Variants in CLNS1A observed in about 807,000 individuals in gnomAD.
CLNS1A encodes chloride nucleotide-sensitive channel 1A, also known as methylosome subunit pICln.
In CLNS1A, 16 loss-of-function variants were observed where a neutral mutation model predicts 29.4. The observed-to-expected ratio is 0.54, with a 90% confidence interval of 0.37 to 0.83. The LOEUF is 0.83. Among genes scored for constraint, CLNS1A ranks in the 40% least tolerant of loss-of-function variants. The pLI, the probability that CLNS1A is intolerant of heterozygous loss-of-function variation, is 0.00. For synonymous variants in CLNS1A, 96 were observed against 104.8 expected, an observed-to-expected ratio of 0.92 and a Z score of 0.51; for missense variants, 235 against 287.4, an observed-to-expected ratio of 0.82 and a Z score of 1.32.
At chr11:77,620,645 A>C (rs909209969) in intron 5 of CLNS1A, among the ~76,000 whole-genome samples, 2 of 151,998 alleles carry the variant, frequency 1.3e-5, no homozygotes, top group African/African-American at 4.8e-5. Context: ...AATCTCTAAC[A>C]AAAATACAAA....
chr11:77,624,813 T>G, intron 4 of CLNS1A, 150 bp downstream of exon 4: 1 of 526,258 alleles, frequency 1.9e-6, no homozygotes, highest in South Asian at 2.9e-5. Flanking sequence ...AAGCGAAAAC[T>G]CCATCTCAAA....
In CLNS1A at chr11:77,629,914, T is replaced by C; in HGVS notation, c.126-15A>G. The C allele has an allele frequency of 6.2e-7, 1 of 1,613,038 alleles. No individual in the cohort carries two copies. The highest frequency in any genetic ancestry group is 8.5e-7 in the Non-Finnish European group (1 of 1,179,288). ...AAGACAGGCGGCTGAAAAACATGTTTTAAGTAGATTATTTTTAGAAAGTAA... is the reference window on the plus strand; with the variant it reads ...AAGACAGGCGGCTGAAAAACATGTTCTAAGTAGATTATTTTTAGAAAGTAA... On this transcript the variant is annotated splice_polypyrimidine_tract_variant and intron_variant, in intron 1 of 6. Transcript: ENST00000525428.
chr11:77,619,073 G>A (rs1363683753), intron 6 of CLNS1A, among the ~76,000 whole-genome samples: 1 of 152,116 alleles, frequency 6.6e-6, no homozygotes, highest in Admixed American at 6.6e-5. Flanking sequence ...TACAATTACT[G>A]GTTCTAGCTC....
intron 6 of CLNS1A, among the ~76,000 whole-genome samples, chr11:77,618,070 A>C (rs1958922448): frequency 6.6e-6 from 1 of 152,226 alleles, no homozygotes; most frequent in Admixed American, 6.5e-5. Context: ...ATTCTTGCCA[A>C]GGACTGCAGT....
chr11:77,636,368 C>T lies in CLNS1A; in HGVS notation c.125+1222G>A, dbSNP rs73504744. On this transcript the variant is annotated intron_variant, in intron 1 of 6. Transcript: ENST00000525428. ...CAGGTGTGAGCCACCGCGCCCGGCCCAACACGGTCATATGTACAACTACTC... is the reference window on the plus strand; with the variant it reads ...CAGGTGTGAGCCACCGCGCCCGGCCTAACACGGTCATATGTACAACTACTC... Among the ~76,000 whole-genome samples the T allele has an allele frequency of 3.5e-3, 536 of 152,118 alleles. 4 individuals are homozygous for T. Among genetic ancestry groups the T allele is most frequent in the African/African-American group, 0.012 (493 of 41,536 alleles).
chr11:77,622,395 G>C, intron 5 of CLNS1A, 105 bp downstream of exon 5: 2 of 765,916 alleles, frequency 2.6e-6, no homozygotes, highest in Non-Finnish European at 4.2e-6. Flanking sequence ...CTATACTATA[G>C]AGAGTCAATT....
intron 1 of CLNS1A, among the ~76,000 whole-genome samples, chr11:77,633,082 C>T (rs1275363872): frequency 1.8e-5 from 2 of 108,716 alleles, no homozygotes; most frequent in Non-Finnish European, 3.5e-5. Flanking sequence ...GAGACTCCAT[C>T]TCAAAAAAAA....
chr11:77,622,429 C>G, intron 5 of CLNS1A, 71 bp downstream of exon 5: 3 of 1,150,280 alleles, frequency 2.6e-6, no homozygotes, highest in Non-Finnish European at 3.7e-6. Context: ...ATTAAAAGAA[C>G]TTCTATTGAC....
At chr11:77,630,564 T>C (rs1481844545) in intron 1 of CLNS1A, among the ~76,000 whole-genome samples, 5 of 152,198 alleles carry the variant, frequency 3.3e-5, no homozygotes, top group Non-Finnish European at 5.9e-5. Context: ...CCCTGAAGCC[T>C]TTCATTTATT....
Position 77,625,028 on chromosome 11 carries a change from T to G in CLNS1A, c.407A>C (p.His136Pro). The G allele has an allele frequency of 6.2e-7, 1 of 1,614,064 alleles. No individual in the cohort carries two copies. Reference sequence around the variant, plus strand: ...TGAATCCTCATCCTCAGGATCTGGATGCAAGGCCTGGCATTCGCACATTGC... The same window carrying G: ...TGAATCCTCATCCTCAGGATCTGGAGGCAAGGCCTGGCATTCGCACATTGC... The part of the protein sequence containing the change: ...FTAMCECQAL[H>P]PDPEDEDSDD... The change falls in exon 4 of 7, where the codon CAT becomes CCT. Residue 136 changes from histidine to proline, a missense_variant. Coordinates refer to ENST00000525428, the MANE Select transcript of CLNS1A (RefSeq NM_001293.3).
rs1459550838 is a variant in CLNS1A, at chr11:77,637,613, A to T, written c.102T>A (p.Thr34=). The change falls in exon 1 of 7, where the codon ACT becomes ACA. Residue 34 remains threonine, a synonymous_variant. Coordinates refer to ENST00000525428, the MANE Select transcript of CLNS1A (RefSeq NM_001293.3). The part of the protein sequence containing the change: ...EAVLNGKGLG[T]GTLYIAESRL... Reference sequence around the variant, plus strand: ...ACCTCTCAGCGATGTAAAGGGTACCAGTGCCGAGGCCCTTCCCGTTCAGCA... The same window carrying T: ...ACCTCTCAGCGATGTAAAGGGTACCTGTGCCGAGGCCCTTCCCGTTCAGCA... 6.3e-7 allele frequency: 1 copy of T among 1,599,990 alleles called. No homozygotes were observed. The highest frequency in any genetic ancestry group is 1.7e-5 in the Admixed American group (1 of 58,452).
Position 77,629,797 on chromosome 11 carries a change from C to A in CLNS1A, c.228G>T (p.Glu76Asp), listed in dbSNP as rs533606849. ...LSRDRSDCLG[E>D]HLYVMVNAKF... ...TGGCATTCACCATAACATACAAATG[C>A]TCTCCTAGACAGTCACTTCGGTCCC... is the stretch of plus-strand genomic sequence containing the variant. Residue 76 changes from glutamate (E) to aspartate (D), a missense_variant, in exon 2 of 7, where the codon GAG (glutamate) becomes GAT (aspartate). Transcript: ENST00000525428. 1.2e-5 allele frequency: 20 copies of A among 1,613,188 alleles called. No homozygotes were observed. Among genetic ancestry groups the A allele is most frequent in the Admixed American group, 3.3e-5 (2 of 60,016 alleles).
intron 2 of CLNS1A, 44 bp from the exon 3 acceptor site, chr11:77,625,862 A>G: frequency 2.8e-6 from 4 of 1,407,774 alleles, no homozygotes; most frequent in Non-Finnish European, 1.9e-6. Context: ...TTGACTTTAA[A>G]AAAATGAAGC....
At chr11:77,619,489 A>C in intron 6 of CLNS1A, 117 bp downstream of exon 6, 1 of 708,368 alleles carries the variant, frequency 1.4e-6, no homozygotes, top group East Asian at 2.7e-5. Context: ...ATGCCACTGC[A>C]CTCTAGCCTG....
intron 1 of CLNS1A, among the ~76,000 whole-genome samples, chr11:77,632,621 C>G (rs1959085537): frequency 6.7e-6 from 1 of 149,480 alleles, no homozygotes. Context: ...TCGTTAAATT[C>G]TTTTTTTTTT....
At chr11:77,617,032 TC>T (rs1958911255) in intron 6 of CLNS1A, among the ~76,000 whole-genome samples, 1 of 152,218 alleles carries the variant, frequency 6.6e-6, no homozygotes, top group Non-Finnish European at 1.5e-5. Flanking sequence ...AATTATTTAT[TC>T]CTTATTCATT....
At position 77,615,738 on chromosome 11, in the gene CLNS1A, T is replaced by A. The variant is rs748021166; in HGVS notation, c.*980A>T. The A allele has an allele frequency of 1.1e-4, 16 of 152,116 alleles. No homozygotes were observed. The highest frequency in any genetic ancestry group is 2.2e-4 in the Non-Finnish European group (15 of 68,032). The allele number at this position is 152,116 out of a possible 1,614,324, so 9.4% of individuals were successfully genotyped here. A position where few individuals can be genotyped will look rare whatever the true frequency, so the allele number is the denominator to read the frequency against. ...GTGCTGAAATGAACACTGGGCTGAG[T>A]GGTACCAAACATCAGTTTAGTCACT... On this transcript the variant is annotated 3_prime_UTR_variant, in exon 7 of 7. Coordinates refer to ENST00000525428, the MANE Select transcript of CLNS1A (RefSeq NM_001293.3).
intron 1 of CLNS1A, among the ~76,000 whole-genome samples, chr11:77,631,721 TA>T: frequency 6.6e-6 from 1 of 151,550 alleles, no homozygotes; most frequent in East Asian, 2.0e-4. Context: ...AAAGGAAAAC[TA>T]GGAAGCTTAT....
chr11:77,622,837 A>G (rs1958976023), intron 4 of CLNS1A, among the ~76,000 whole-genome samples, 164 bp from the exon 5 acceptor site: 1 of 152,040 alleles, frequency 6.6e-6, no homozygotes, highest in African/African-American at 2.4e-5. Flanking sequence ...TGTCCCAGCT[A>G]CTCAGGAGGC....
Sources: allele counts gnomAD v4.1 joint callset (sites outside exome capture counted in the v4.1 genomes callset), GRCh38; gene constraint gnomAD v4.1.1; transcripts MANE v1.5; gene names NCBI Gene and HGNC (gene_info 2026-07-23, HGNC 2026-07-21).